The following MKLN1 variants were observed in gnomAD, a reference collection of about 807,000 sequenced individuals.
MKLN1 encodes muskelin 1.
In MKLN1, 18 loss-of-function variants were observed where a neutral mutation model predicts 99.0. The ratio of observed to expected loss-of-function variants is 0.18; its 90% CI spans 0.13 to 0.27. MKLN1 has a LOEUF of 0.27. MKLN1 is among the 10% of genes least tolerant of loss of function. The pLI is 1.00. For synonymous variants in MKLN1, 288 were observed against 293.2 expected (o/e 0.98, Z 0.18); for missense variants, 621 against 875.9 (o/e 0.71, Z 3.67).
At chr7:131,181,678 G>A (rs1240935006) in intron 2 of MKLN1, among the ~76,000 whole-genome samples, 2 of 101,606 alleles carry the variant, frequency 2.0e-5, no homozygotes, top group African/African-American at 7.7e-5. Flanking sequence ...TTTTTTTTTT[G>A]AGATGGAGTC....
At chr7:131,205,798 C>G (rs994875291) in intron 3 of MKLN1, among the ~76,000 whole-genome samples, 3 of 152,134 alleles carry the variant, frequency 2.0e-5, no homozygotes, top group African/African-American at 7.2e-5. Context: ...TGCACTTTCC[C>G]CCATCTTCAC....
At chr7:131,348,762 A>G (rs536652928) in intron 1 of MKLN1, among the ~76,000 whole-genome samples, 1 of 152,272 alleles carries the variant, frequency 6.6e-6, no homozygotes, top group South Asian at 2.1e-4. Flanking sequence ...TTATTGTATT[A>G]TACTGTGGCA....
At chr7:131,132,263 A>C (rs1795562729) in intron 1 of MKLN1, among the ~76,000 whole-genome samples, 1 of 152,204 alleles carries the variant, frequency 6.6e-6, no homozygotes, top group Non-Finnish European at 1.5e-5. Context: ...GGTGGCATTC[A>C]CAGAAGCACT....
chr7:131,376,111 TATATATATATATATATATATATATGTATG>T (rs1393200780), intron 2 of MKLN1, among the ~76,000 whole-genome samples: 1 of 236 alleles, frequency 4.2e-3, no homozygotes, highest in African/African-American at 0.017. Flanking sequence ...TATATATATA[TATATATATATATATATATATATATGTATG>T]ATGTATGTAT....
chr7:131,270,143 C>T (rs539979088), intron 3 of MKLN1, among the ~76,000 whole-genome samples: 15 of 152,112 alleles, frequency 9.9e-5, no homozygotes, highest in African/African-American at 3.4e-4. Context: ...AGGATGGTCT[C>T]GATCTCCCGA....
intron 3 of MKLN1, among the ~76,000 whole-genome samples, chr7:131,233,912 A>G (rs1228926674): frequency 3.9e-5 from 6 of 152,154 alleles, no homozygotes; most frequent in African/African-American, 1.4e-4. Flanking sequence ...ATTTATTTTC[A>G]GAAAGGGTAT....
In MKLN1 at chr7:131,252,026, AG is replaced by A. The variant is rs1797588621; in HGVS notation, c.-179+49054del. ...AAAACAACAGTGCCTAGGGAAGATG[AG>A]GCATAATTCTGGTTTAAAATGGTAG... On this transcript the variant is annotated intron_variant, in intron 3 of 7. Coordinates refer to the MKLN1 transcript ENST00000416992. Among the ~76,000 whole-genome samples, 9 of 152,318 alleles carry A rather than the reference AG, an allele frequency of 5.9e-5. No individual in the cohort carries two copies. In the South Asian group the frequency reaches 1.9e-3, roughly 32 times the overall value.
chr7:131,267,092 G>C (rs1797819670), intron 3 of MKLN1, among the ~76,000 whole-genome samples: 1 of 151,974 alleles, frequency 6.6e-6, no homozygotes, highest in Non-Finnish European at 1.5e-5. Flanking sequence ...TAGCACTTTG[G>C]GAGGCCGAGG....
chr7:131,372,587 AGCT>A (rs753679685), intron 1 of MKLN1, among the ~76,000 whole-genome samples: 5 of 152,070 alleles, frequency 3.3e-5, no homozygotes, highest in Non-Finnish European at 7.4e-5. Context: ...ATTAAAGTCA[AGCT>A]GTAGAATACA....
intron 1 of MKLN1, among the ~76,000 whole-genome samples, chr7:131,138,449 C>G (rs1795684397): frequency 6.6e-6 from 1 of 152,090 alleles, no homozygotes; most frequent in South Asian, 2.1e-4. Context: ...TTTCCAGGTG[C>G]CTTGGTCTCT....
intron 2 of MKLN1, among the ~76,000 whole-genome samples, chr7:131,198,744 T>A (rs988487243): frequency 6.6e-6 from 1 of 152,166 alleles, no homozygotes; most frequent in African/African-American, 2.4e-5. Flanking sequence ...TAAAAATGAC[T>A]ATTATTTTCA....
At chr7:131,272,804 G>A (rs1045633267) in intron 3 of MKLN1, among the ~76,000 whole-genome samples, 4 of 152,086 alleles carry the variant, frequency 2.6e-5, no homozygotes, top group African/African-American at 7.2e-5. Context: ...TCACTATCAC[G>A]AGAATAGTAC....
chr7:131,419,734 A>G (rs1403408844), intron 8 of MKLN1, among the ~76,000 whole-genome samples: 3 of 152,084 alleles, frequency 2.0e-5, no homozygotes, highest in Non-Finnish European at 4.4e-5. Flanking sequence ...TTGTTGCTAG[A>G]TCAGAGGTAT....
intron 3 of MKLN1, among the ~76,000 whole-genome samples, chr7:131,228,275 G>T (rs1317236489): frequency 6.6e-6 from 1 of 152,134 alleles, no homozygotes; most frequent in Non-Finnish European, 1.5e-5. Context: ...GCCTAGGCTG[G>T]TCTCAGCAAT....
intron 3 of MKLN1, among the ~76,000 whole-genome samples, chr7:131,246,976 C>A (rs1797498833): frequency 6.6e-6 from 1 of 152,106 alleles, no homozygotes; most frequent in Non-Finnish European, 1.5e-5. Flanking sequence ...TAGTACTGTA[C>A]AGATGTAGGG....
At chr7:131,391,503 G>A (rs1171136475) in intron 4 of MKLN1, among the ~76,000 whole-genome samples, 1 of 152,160 alleles carries the variant, frequency 6.6e-6, no homozygotes, top group African/African-American at 2.4e-5. Flanking sequence ...TAAGCAAATT[G>A]AAGTAAGTTT....
At chr7:131,346,003 G>A (rs1799548750) in intron 1 of MKLN1, among the ~76,000 whole-genome samples, 1 of 152,112 alleles carries the variant, frequency 6.6e-6, no homozygotes, top group Admixed American at 6.5e-5. Context: ...AATTCACGTG[G>A]CATTTTCTCA....
intron 3 of MKLN1, among the ~76,000 whole-genome samples, chr7:131,231,119 CAAAAAAAAAA>C (rs58048470): frequency 1.7e-5 from 1 of 60,368 alleles, no homozygotes; most frequent in Non-Finnish European, 2.7e-5. Context: ...GACTCTGTCT[CAAAAAAAAAA>C]AAAAAAAAAA....
At chr7:131,165,702 G>A (rs1469418633) in intron 2 of MKLN1, among the ~76,000 whole-genome samples, 1 of 152,226 alleles carries the variant, frequency 6.6e-6, no homozygotes, top group Non-Finnish European at 1.5e-5. Context: ...TTTGAGTGGT[G>A]AAGAGCAGGG....
Sources: allele counts gnomAD v4.1 joint callset (sites outside exome capture counted in the v4.1 genomes callset), GRCh38; gene constraint gnomAD v4.1.1; transcripts MANE v1.5; gene names NCBI Gene and HGNC (gene_info 2026-07-23, HGNC 2026-07-21).